The following SP1 variants were observed in gnomAD, a reference collection of about 807,000 sequenced individuals.
SP1 encodes the protein transcription factor Sp1.
A neutral mutation model predicts 66.3 loss-of-function variants in SP1; 6 were observed. The ratio of observed to expected loss-of-function variants is 0.09; its 90% CI spans 0.05 to 0.18. SP1 has a LOEUF of 0.18. Among genes scored for constraint, SP1 ranks in the 10% least tolerant of loss-of-function variants. The probability of loss-of-function intolerance (pLI) is 1.00; values close to 1 mark genes in which losing one functional copy is unlikely to be tolerated. For missense variants in SP1, 848 were observed against 964.5 expected (o/e 0.88, Z 1.60); for synonymous variants, 417 against 360.8 (o/e 1.16, Z -1.77).
At chr12:53,402,561 G>A (rs562990131) in intron 3 of SP1, among the ~76,000 whole-genome samples, 11 of 152,024 alleles carry the variant, frequency 7.2e-5, no homozygotes, top group South Asian at 2.1e-4. Flanking sequence ...GAAGGAGGCC[G>A]GGCAAGGTGG....
chr12:53,396,950 G>C (rs972058530), intron 3 of SP1, among the ~76,000 whole-genome samples: 1 of 151,740 alleles, frequency 6.6e-6, no homozygotes, highest in African/African-American at 2.4e-5. Context: ...CTTGAGAGTT[G>C]TTCTGTTTTC....
intron 4 of SP1, among the ~76,000 whole-genome samples, chr12:53,407,260 C>T (rs1302545235): frequency 2.6e-5 from 4 of 151,188 alleles, no homozygotes; most frequent in Non-Finnish European, 5.9e-5. Flanking sequence ...GAGAGCCGAT[C>T]TCTACAAAAA....
Position 53,383,197 on chromosome 12 carries a change from C to G in SP1, c.1250C>G (p.Ala417Gly), listed in dbSNP as rs1435183572. Residue 417 changes from alanine to glycine, a missense_variant, in exon 3 of 6, where the codon GCA becomes GGA. Ala to Gly is a moderately conservative substitution (Grantham distance 60). This residue lies in a region of SP1 where 606 missense variants were observed against 589.9 expected (regional missense o/e 1.03). Coordinates refer to ENST00000327443, the MANE Select transcript of SP1 (RefSeq NM_138473.3). ...QGGQALQALQ[A>G]APLSGQTFTT... ...GGACAGGCCCTCCAGGCCCTCCAAG[C>G]AGCACCATTGTCAGGGCAGACCTTT... is the stretch of plus-strand genomic sequence containing the variant. 3 of 1,614,244 alleles carry G rather than the reference C, an allele frequency of 1.9e-6. No homozygotes were observed. The highest frequency in any genetic ancestry group is 1.1e-5 in the South Asian group (1 of 91,088).
chr12:53,410,827 C>T (rs1938867241), intron 5 of SP1, 100 bp from the exon 6 acceptor site: 2 of 835,868 alleles, frequency 2.4e-6, no homozygotes, highest in Middle Eastern at 2.5e-4. Context: ...ATCACCTTCT[C>T]ATACTGGCCT....
At chr12:53,392,347 A>ATTTTT (rs574953864) in intron 3 of SP1, among the ~76,000 whole-genome samples, 2 of 85,340 alleles carry the variant, frequency 2.3e-5, no homozygotes, top group Non-Finnish European at 4.1e-5. Flanking sequence ...CACCTGGCTA[A>ATTTTT]TTTTTTTTTT....
intron 3 of SP1, among the ~76,000 whole-genome samples, chr12:53,391,377 T>C (rs535070409): frequency 2.5e-4 from 33 of 130,754 alleles, no homozygotes; most frequent in Admixed American, 2.1e-3. Context: ...TGAGACGGAG[T>C]CTCGCTCTGT....
rs1367067583 is a variant in SP1, at chr12:53,407,421, G to C, written c.1844+668G>C. ...TGGCTCACTGCAACCTCCACCTCCT[G>C]GGTTCAAGCAATTCTGCCTCAGTCT... On this transcript the variant is annotated intron_variant, in intron 4 of 5. Transcript: ENST00000327443. Among the ~76,000 whole-genome samples the C allele has an allele frequency of 2.6e-5, 4 of 150,956 alleles. No homozygotes were observed. The South Asian group carries it at 8.3e-4, about 32-fold the overall frequency.
At chr12:53,391,860 C>G (rs191802749) in intron 3 of SP1, among the ~76,000 whole-genome samples, 1 of 151,452 alleles carries the variant, frequency 6.6e-6, no homozygotes, top group African/African-American at 2.4e-5. Context: ...ATTTTGTTTT[C>G]TGTTCCAGCG....
chr12:53,387,930 G>T (rs1029929704), intron 3 of SP1, among the ~76,000 whole-genome samples: 1 of 152,026 alleles, frequency 6.6e-6, no homozygotes, highest in Admixed American at 6.6e-5. Flanking sequence ...AGCGTGCAGT[G>T]AGCTGAGATT....
At chr12:53,403,818 A>G (rs1938666285) in intron 3 of SP1, among the ~76,000 whole-genome samples, 1 of 151,974 alleles carries the variant, frequency 6.6e-6, no homozygotes, top group South Asian at 2.1e-4. Context: ...AGGCGGGAGG[A>G]TCACTTGAGC....
intron 3 of SP1, among the ~76,000 whole-genome samples, chr12:53,391,137 A>G (rs1170427793): frequency 1.3e-5 from 2 of 152,116 alleles, no homozygotes; most frequent in Admixed American, 1.3e-4. Context: ...AAGCAAGCAC[A>G]TTATTTTTCA....
chr12:53,413,758 T>C lies in SP1; in HGVS notation c.*2518T>C, dbSNP rs973310637. 14 of 152,452 alleles carry C rather than the reference T, an allele frequency of 9.2e-5. No homozygotes were observed. Among genetic ancestry groups the C allele is most frequent in the African/African-American group, 3.1e-4 (13 of 41,462 alleles). 9.4% of individuals were successfully genotyped at this position (152,452 alleles called of 1,614,324 possible). On this transcript the variant is annotated 3_prime_UTR_variant, in exon 6 of 6. Transcript: ENST00000327443. ...TATTTTGCTAGTGCATTTCAAGGAA[T>C]GGAATCTTCTCCAGTATGAAATTAC...
At chr12:53,410,566 G>A (rs564558294) in intron 5 of SP1, among the ~76,000 whole-genome samples, 5 of 151,510 alleles carry the variant, frequency 3.3e-5, no homozygotes, top group East Asian at 2.0e-4. Context: ...GTGCAGTGGC[G>A]CGATCTCGGC....
rs1223634354 is a variant in SP1, at chr12:53,380,179, C to G, written c.-113C>G. On this transcript the variant is annotated 5_prime_UTR_variant, in exon 1 of 6. Coordinates refer to ENST00000327443, the MANE Select transcript of SP1 (RefSeq NM_138473.3). ...GGCGCGCTGCTCCCTCCTCCTTACC[C>G]CCCCCTCCCTGTCCGGTCCGGGTTC... 25 of 747,052 alleles carry G rather than the reference C, an allele frequency of 3.3e-5. No individual in the cohort carries two copies. Among genetic ancestry groups the G allele is most frequent in the Non-Finnish European group, 5.5e-5 (23 of 416,300 alleles). 46.3% of individuals were successfully genotyped at this position (747,052 alleles called of 1,614,324 possible).
rs1390398325 is a variant in SP1, at chr12:53,383,540, C to T, written c.1593C>T (p.Thr531=). Residue 531 remains threonine (T), a synonymous_variant, in exon 3 of 6, where the codon ACC becomes ACT. Transcript: ENST00000327443. ...TCTCCTCCATGCCAGGCCTCCAGACCATTAACCTCAGTGCATTGGGTACTT... is the reference window on the plus strand; with the variant it reads ...TCTCCTCCATGCCAGGCCTCCAGACTATTAACCTCAGTGCATTGGGTACTT... The part of the protein sequence containing the change: ...AQLSSMPGLQ[T]INLSALGTSG... The T allele has an allele frequency of 6.2e-7, 1 of 1,614,146 alleles. No homozygotes were observed. The highest frequency in any genetic ancestry group is 1.1e-5 in the South Asian group (1 of 91,088).
At chr12:53,405,446 A>G (rs1468384460) in intron 3 of SP1, among the ~76,000 whole-genome samples, 2 of 152,058 alleles carry the variant, frequency 1.3e-5, no homozygotes, top group African/African-American at 4.8e-5. Flanking sequence ...AGGCGGGTGG[A>G]TCACCTAAGG....
intron 5 of SP1, among the ~76,000 whole-genome samples, chr12:53,409,975 A>C (rs569712830): frequency 6.3e-4 from 96 of 151,240 alleles, no homozygotes; most frequent in Admixed American, 1.1e-3. Flanking sequence ...GTGCCACTGC[A>C]CTCCAGCCTG....
intron 3 of SP1, among the ~76,000 whole-genome samples, chr12:53,398,887 A>G (rs976934359): frequency 1.7e-4 from 26 of 152,218 alleles, no homozygotes; most frequent in Admixed American, 1.0e-3. Context: ...AATTTGTCCA[A>G]ATGGATTCAC....
In SP1 at chr12:53,383,179, C is replaced by G. The variant is rs1428198536; in HGVS notation, c.1232C>G (p.Ala411Gly). 2 of 1,613,862 alleles carry G rather than the reference C, an allele frequency of 1.2e-6. No homozygotes were observed. The highest frequency in any genetic ancestry group is 1.7e-6 in the Non-Finnish European group (2 of 1,179,848). Reference sequence around the variant, plus strand: ...CCTCAGCTAGTTCAAGGGGGACAGGCCCTCCAGGCCCTCCAAGCAGCACCA... The same window carrying G: ...CCTCAGCTAGTTCAAGGGGGACAGGGCCTCCAGGCCCTCCAAGCAGCACCA... ...IQPQLVQGGQ[A>G]LQALQAAPLS... Residue 411 changes from alanine (A) to glycine (G), a missense_variant, in exon 3 of 6, where the codon GCC becomes GGC. Around this residue, in one of 7 missense-constraint regions of SP1, gnomAD observed 606 missense variants for 589.9 expected, o/e 1.03. Transcript: ENST00000327443.
Sources: allele counts gnomAD v4.1 joint callset (sites outside exome capture counted in the v4.1 genomes callset), GRCh38; gene constraint gnomAD v4.1.1; regional missense constraint gnomAD v4.1.1; transcripts MANE v1.5; gene names NCBI Gene and HGNC (gene_info 2026-07-23, HGNC 2026-07-21).